C5orf58: variants seen among roughly 807,000 people sequenced by gnomAD.
C5orf58 encodes putative uncharacterized protein C5orf58.
Under a neutral mutation model 2.9 loss-of-function variants are expected in C5orf58, and 2 were observed. That is an observed-to-expected ratio of 0.69 (90% CI 0.28 to 2.18). The LOEUF (loss-of-function observed/expected upper bound fraction) is 2.18. Among genes scored for constraint, C5orf58 ranks in the 30% most tolerant of loss-of-function variants. The pLI, the probability that C5orf58 is intolerant of heterozygous loss-of-function variation, is 0.13. For synonymous variants in C5orf58, 37 were observed against 33.4 expected, an observed-to-expected ratio of 1.11 and a Z score of -0.37; for missense variants, 96 against 91.7, an observed-to-expected ratio of 1.05 and a Z score of -0.19.
At chr5:170,252,434 C>A, downstream of C5orf58, 1 of 1,533,850 alleles carries the variant, frequency 6.5e-7, no homozygotes, top group Non-Finnish European at 9.0e-7. Flanking sequence ...AGCACAATAC[C>A]TGGTTTATCT....
At chr5:170,243,728 A>G (rs1484867252) in intron 3 of C5orf58, among the ~76,000 whole-genome samples, 1 of 151,064 alleles carries the variant, frequency 6.6e-6, no homozygotes, top group Non-Finnish European at 1.5e-5. Context: ...TTGACTCTTT[A>G]TCCAATTTGC....
chr5:170,247,732 CAA>C (rs1761330421), downstream of C5orf58: 1 of 152,172 alleles, frequency 6.6e-6, no homozygotes. Flanking sequence ...AGGGGGATAA[CAA>C]GAGACAGAAG....
At chr5:170,245,359 C>T (rs1433381057) in intron 3 of C5orf58, among the ~76,000 whole-genome samples, 1 of 152,212 alleles carries the variant, frequency 6.6e-6, no homozygotes, top group Non-Finnish European at 1.5e-5. Context: ...ATGGTGGGCG[C>T]CCCTCCCCCA....
chr5:170,236,838 T>A (rs1033517603), intron 3 of C5orf58, among the ~76,000 whole-genome samples: 3 of 152,254 alleles, frequency 2.0e-5, no homozygotes, highest in Non-Finnish European at 4.4e-5. Flanking sequence ...CAGCATGTTA[T>A]CCTTTCTGCC....
rs548546194 is a variant in C5orf58, at chr5:170,251,499, A to G, written c.95-149A>G. The G allele has an allele frequency of 2.6e-4, 79 of 309,372 alleles. 1 individual carries two copies. The highest frequency in any genetic ancestry group is 2.1e-3 in the South Asian group (77 of 36,410). The allele number at this position is 309,372 out of a possible 1,614,324, so 19.2% of individuals were successfully genotyped here. Reference sequence around the variant, plus strand: ...CCATTCAATAAATTATTGCTACATAATATTAATACTGTAAAGATCTAATAT... The same window carrying G: ...CCATTCAATAAATTATTGCTACATAGTATTAATACTGTAAAGATCTAATAT... On this transcript the variant is annotated intron_variant, in intron 2 of 2. Transcript: ENST00000517575.
At chr5:170,249,362 G>GTATATATATATATATATATA (rs72371153), downstream of C5orf58, among the ~76,000 whole-genome samples, 2 of 108,134 alleles carry the variant, frequency 1.8e-5, no homozygotes, top group African/African-American at 6.2e-5. Context: ...GCATGCGTGT[G>GTATATATATATATATATATA]TATATATATA....
At chr5:170,250,137 C>T (rs776569568), downstream of C5orf58, among the ~76,000 whole-genome samples, 23 of 152,164 alleles carry the variant, frequency 1.5e-4, no homozygotes, top group Admixed American at 3.9e-4. Context: ...ATGTTTGGGG[C>T]GTTACCTTCA....
chr5:170,245,287 G>A (rs574244488), intron 3 of C5orf58, among the ~76,000 whole-genome samples: 328 of 152,362 alleles, frequency 2.2e-3, no homozygotes, highest in Middle Eastern at 6.8e-3. Flanking sequence ...TCTTTGAGCT[G>A]TGGTGGGCTC....
chr5:170,250,850 T>A (rs762204104), downstream of C5orf58: 3 of 1,613,564 alleles, frequency 1.9e-6, no homozygotes. Flanking sequence ...TGGTTGTTGT[T>A]TTTTTAGAGC....
chr5:170,248,338 A>G (rs1024653015), downstream of C5orf58: 2 of 185,562 alleles, frequency 1.1e-5, no homozygotes, highest in South Asian at 9.3e-5. Flanking sequence ...GACACCAATA[A>G]CTATTACTGT....
At chr5:170,251,774 A>G (rs952899198) in exon 3 of C5orf58, 1 of 389,428 alleles carries the variant, frequency 2.6e-6, no homozygotes, top group Non-Finnish European at 5.3e-6. Flanking sequence ...CAGCACCCCC[A>G]GAATAATTAG....
chr5:170,250,360 C>T (rs1761407486), downstream of C5orf58, among the ~76,000 whole-genome samples: 1 of 152,204 alleles, frequency 6.6e-6, no homozygotes, highest in Non-Finnish European at 1.5e-5. Flanking sequence ...TCTAATTTTT[C>T]CCCTTTTCCA....
chr5:170,239,513 A>G (rs1402937541), intron 3 of C5orf58, among the ~76,000 whole-genome samples: 1 of 152,026 alleles, frequency 6.6e-6, no homozygotes, highest in Non-Finnish European at 1.5e-5. Flanking sequence ...AAAGCAACAA[A>G]AACAAAGTGA....
At chr5:170,249,380 A>ATAGC (rs57880741), downstream of C5orf58, among the ~76,000 whole-genome samples, 1 of 148,016 alleles carries the variant, frequency 6.8e-6, no homozygotes, top group East Asian at 2.0e-4. Context: ...ATATATATAT[A>ATAGC]TCTACATATC....
chr5:170,233,068 C>A, intron 1 of C5orf58, 61 bp downstream of exon 1: 1 of 782,974 alleles, frequency 1.3e-6, no homozygotes, highest in Non-Finnish European at 1.6e-6. Flanking sequence ...GGGTGAAGAC[C>A]GCTGAAATTT....
At chr5:170,247,482 G>T (rs949613466), downstream of C5orf58, 2 of 152,184 alleles carry the variant, frequency 1.3e-5, no homozygotes, top group Non-Finnish European at 2.9e-5. Context: ...ATTAAGCAGA[G>T]ACGCCAAAAA....
chr5:170,244,595 T>A (rs1761169446), intron 3 of C5orf58, among the ~76,000 whole-genome samples: 1 of 152,206 alleles, frequency 6.6e-6, no homozygotes. Flanking sequence ...TCTGCATTCT[T>A]CACGTAGTTC....
chr5:170,251,461 G>T, intron 2 of C5orf58: 1 of 258,860 alleles, frequency 3.9e-6, no homozygotes. Flanking sequence ...TGATTGTCCT[G>T]TACTTTAAAT....
downstream of C5orf58, chr5:170,250,893 G>C (rs368584679): frequency 1.4e-5 from 22 of 1,611,720 alleles, no homozygotes; most frequent in African/African-American, 2.9e-4. Context: ...ATCCTAAAAA[G>C]ACAAATTCCT....
Sources: gnomAD v4.1 joint callset for allele counts (sites outside exome capture counted in the v4.1 genomes callset) on GRCh38, gnomAD v4.1.1 for gene constraint, MANE v1.5 for transcripts, NCBI Gene and HGNC (gene_info 2026-07-23, HGNC 2026-07-21) for gene names.